CHD9: variants seen among roughly 807,000 people sequenced by gnomAD.
CHD9 encodes chromodomain helicase DNA binding protein 9.
A neutral mutation model predicts 316.1 loss-of-function variants in CHD9; 77 were observed. The observed-to-expected ratio is 0.24, with a 90% CI of 0.20 to 0.29. The LOEUF is 0.29. Among genes scored for constraint, CHD9 ranks in the 10% least tolerant of loss-of-function variants. The pLI is 1.00. For missense variants in CHD9, 2,763 were observed against 3,438.1 expected (o/e 0.80, Z 4.91); for synonymous variants, 1,129 against 1,158.3 (o/e 0.97, Z 0.51).
chr16:53,260,287 T>G (rs1476392844), intron 19 of CHD9, among the ~76,000 whole-genome samples: 1 of 152,182 alleles, frequency 6.6e-6, no homozygotes, highest in African/African-American at 2.4e-5. Context: ...AAGACCAGCC[T>G]AGGCAACAAA....
intron 2 of CHD9, among the ~76,000 whole-genome samples, chr16:53,184,456 C>T (rs1004605069): frequency 2.6e-5 from 4 of 152,122 alleles, no homozygotes; most frequent in African/African-American, 9.7e-5. Flanking sequence ...CTCACCCCAA[C>T]CTCCCTAGTA....
chr16:53,217,957 T>TTTCTTTC (rs1240014899), intron 3 of CHD9, among the ~76,000 whole-genome samples: 1 of 136,730 alleles, frequency 7.3e-6, no homozygotes, highest in Non-Finnish European at 1.6e-5. Context: ...TCTTTCTTTC[T>TTTCTTTC]TTTTTTTTTT....
intron 1 of CHD9, among the ~76,000 whole-genome samples, chr16:53,132,687 C>G (rs1205521031): frequency 3.3e-5 from 5 of 151,820 alleles, no homozygotes; most frequent in African/African-American, 1.2e-4. Context: ...CACATGGAGC[C>G]TTACGTTCGA....
intron 1 of CHD9, among the ~76,000 whole-genome samples, chr16:53,100,827 C>T (rs2036809360): frequency 6.6e-6 from 1 of 152,166 alleles, no homozygotes; most frequent in Non-Finnish European, 1.5e-5. Flanking sequence ...TCACTATAGG[C>T]CTCTGTCTCC....
chr16:53,259,665 G>A (rs528794255), intron 19 of CHD9, among the ~76,000 whole-genome samples: 1 of 151,978 alleles, frequency 6.6e-6, no homozygotes, highest in Admixed American at 6.6e-5. Context: ...GGCACATGCC[G>A]CCATGCCCAG....
intron 2 of CHD9, among the ~76,000 whole-genome samples, chr16:53,203,972 C>G (rs972864719): frequency 7.4e-6 from 1 of 135,624 alleles, no homozygotes; most frequent in Admixed American, 8.1e-5. Flanking sequence ...TGCAGTGAGC[C>G]GAGATCACAC....
chr16:53,069,832 G>A (rs1020221037), intron 1 of CHD9, among the ~76,000 whole-genome samples: 3 of 152,132 alleles, frequency 2.0e-5, no homozygotes, highest in Non-Finnish European at 4.4e-5. Context: ...AACAGCTGCT[G>A]TACCATTTTA....
chr16:53,083,166 T>A (rs926401851), intron 1 of CHD9, among the ~76,000 whole-genome samples: 1 of 152,194 alleles, frequency 6.6e-6, no homozygotes, highest in Non-Finnish European at 1.5e-5. Flanking sequence ...TTTCCTGAAG[T>A]ATGAGAAACA....
At chr16:53,163,756 A>G (rs1019625596) in intron 2 of CHD9, among the ~76,000 whole-genome samples, 2 of 152,232 alleles carry the variant, frequency 1.3e-5, no homozygotes, top group African/African-American at 4.8e-5. Flanking sequence ...GGTGATTAAA[A>G]TATCTTCATA....
intron 1 of CHD9, among the ~76,000 whole-genome samples, chr16:53,118,425 G>A (rs1385553048): frequency 6.6e-6 from 1 of 152,116 alleles, no homozygotes; most frequent in Admixed American, 6.6e-5. Context: ...TCAAAAAGAT[G>A]TCCCTTCTTT....
At chr16:53,129,459 T>G (rs1464817841) in intron 1 of CHD9, among the ~76,000 whole-genome samples, 2 of 152,272 alleles carry the variant, frequency 1.3e-5, no homozygotes, top group Non-Finnish European at 2.9e-5. Context: ...GCAGGGTTTC[T>G]TCCCAGCCCT....
chr16:53,283,125 T>C (rs769269392), intron 24 of CHD9, among the ~76,000 whole-genome samples: 54 of 152,284 alleles, frequency 3.5e-4, no homozygotes, highest in Non-Finnish European at 6.2e-4. Flanking sequence ...TCTCTTCCTC[T>C]TCCTGCTCAG....
rs753993778 is a variant in CHD9 at position 53,245,421 on chromosome 16, G to C, written c.3140G>C (p.Arg1047Thr). ...FSLLHFLEPL[R>T]FPSESTFMQE... ...CTTCTTCACTTTCTTGAACCCTTAAGGTTTCCTTCTGAATCAACATTTATG... is the reference window on the plus strand; with the variant it reads ...CTTCTTCACTTTCTTGAACCCTTAACGTTTCCTTCTGAATCAACATTTATG... Residue 1047 changes from arginine (R) to threonine (T), a missense_variant, in exon 14 of 39, where the codon AGG becomes ACG. Arg to Thr is a moderately conservative substitution (Grantham distance 71). Transcript: ENST00000447540. The surrounding 1 kb of genome is among the most constrained non-coding windows in gnomAD (Gnocchi z 4.1). The C allele has an allele frequency of 6.2e-7, 1 of 1,606,524 alleles. No individual in the cohort carries two copies. Among genetic ancestry groups the C allele is most frequent in the East Asian group, 2.2e-5 (1 of 44,700 alleles).
chr16:53,126,765 G>A (rs989231562), intron 1 of CHD9, among the ~76,000 whole-genome samples: 5 of 151,150 alleles, frequency 3.3e-5, no homozygotes, highest in South Asian at 2.1e-4. Flanking sequence ...TGCAACCTCC[G>A]CCTCCCAGGT....
chr16:53,197,277 C>T (rs1407045315), intron 2 of CHD9, among the ~76,000 whole-genome samples: 1 of 152,110 alleles, frequency 6.6e-6, no homozygotes, highest in Non-Finnish European at 1.5e-5. Context: ...GATTAAAGTC[C>T]TCTGTAAACT....
chr16:53,192,068 A>G (rs2044522901), intron 2 of CHD9, among the ~76,000 whole-genome samples: 1 of 145,868 alleles, frequency 6.9e-6, no homozygotes, highest in African/African-American at 2.6e-5. Flanking sequence ...CTCCATCTCA[A>G]AAAAAAAAAA....
chr16:53,147,078 CTT>C (rs921165525), intron 1 of CHD9, among the ~76,000 whole-genome samples: 12 of 151,888 alleles, frequency 7.9e-5, no homozygotes, highest in African/African-American at 2.7e-4. Context: ...AAATTACTGA[CTT>C]AAATTTTATG....
intron 2 of CHD9, among the ~76,000 whole-genome samples, chr16:53,190,313 T>G (rs1032693571): frequency 1.3e-5 from 2 of 152,096 alleles, no homozygotes; most frequent in Non-Finnish European, 2.9e-5. Context: ...TTGTCTACAC[T>G]GAGAATCAAA....
chr16:53,136,441 A>T (rs1240998448), intron 1 of CHD9, among the ~76,000 whole-genome samples: 1 of 152,108 alleles, frequency 6.6e-6, no homozygotes, highest in African/African-American at 2.4e-5. Context: ...CCTTTGTAAG[A>T]GGAAGGAAAA....
Sources: allele counts gnomAD v4.1 joint callset (sites outside exome capture counted in the v4.1 genomes callset), GRCh38; gene constraint gnomAD v4.1.1; non-coding constraint Gnocchi (gnomAD v3.1); transcripts MANE v1.5; gene names NCBI Gene and HGNC (gene_info 2026-07-23, HGNC 2026-07-21).